SIPA1L3: variants seen among roughly 807,000 people sequenced by gnomAD.
The protein encoded by SIPA1L3 is signal induced proliferation associated 1 like 3, also known as signal-induced proliferation-associated 1-like protein 3.
SIPA1L3 carries 59 observed loss-of-function variants against 150.1 expected under a neutral mutation model. The ratio of observed to expected loss-of-function variants is 0.39; its 90% CI spans 0.32 to 0.49. SIPA1L3 has a LOEUF of 0.49. SIPA1L3 is among the 20% of genes least tolerant of loss of function. The probability of loss-of-function intolerance (pLI) is 0.86; values close to 1 mark genes in which losing one functional copy is unlikely to be tolerated. For synonymous variants in SIPA1L3, 1,070 were observed against 1,077.6 expected, an observed-to-expected ratio of 0.99 and a Z score of 0.14; for missense variants, 2,211 against 2,489.5, an observed-to-expected ratio of 0.89 and a Z score of 2.38.
chr19:38,104,576 G>GT (rs905432684), intron 6 of SIPA1L3, among the ~76,000 whole-genome samples: 9 of 151,894 alleles, frequency 5.9e-5, no homozygotes, highest in Admixed American at 1.3e-4. Flanking sequence ...TGGTTTTTTT[G>GT]TTTTTTTGTT....
chr19:38,089,257 G>T (rs1357260870), intron 4 of SIPA1L3, among the ~76,000 whole-genome samples: 1 of 149,494 alleles, frequency 6.7e-6, no homozygotes, highest in South Asian at 2.1e-4. Context: ...GGCAGAGGCT[G>T]CAGTGAGCTG....
chr19:37,911,685 G>T (rs2046379140), intron 1 of SIPA1L3, among the ~76,000 whole-genome samples: 2 of 150,892 alleles, frequency 1.3e-5, no homozygotes, highest in African/African-American at 4.9e-5. Context: ...CTAATTTTTT[G>T]TATTTTTAGT....
intron 1 of SIPA1L3, among the ~76,000 whole-genome samples, chr19:37,934,362 A>T (rs982324468): frequency 1.3e-5 from 2 of 152,138 alleles, no homozygotes; most frequent in Non-Finnish European, 2.9e-5. Flanking sequence ...TTTAACACAT[A>T]TGTCCCTTGA....
intron 8 of SIPA1L3, among the ~76,000 whole-genome samples, chr19:38,114,717 C>T (rs1970843254): frequency 6.6e-6 from 1 of 152,230 alleles, no homozygotes; most frequent in Admixed American, 6.5e-5. Flanking sequence ...TTACTTTAGT[C>T]AGCATTGAGC....
At chr19:38,167,625 C>T (rs1027161222) in intron 15 of SIPA1L3, among the ~76,000 whole-genome samples, 6 of 152,082 alleles carry the variant, frequency 3.9e-5, no homozygotes, top group Non-Finnish European at 7.4e-5. Flanking sequence ...TGCAGTAGTA[C>T]GACCATAGCT....
chr19:38,092,542 C>G (rs1970282122), intron 4 of SIPA1L3, among the ~76,000 whole-genome samples: 1 of 152,190 alleles, frequency 6.6e-6, no homozygotes, highest in South Asian at 2.1e-4. Flanking sequence ...CCCCCAGCAC[C>G]TACAAAACTA....
chr19:38,073,678 G>C (rs1318894805), intron 2 of SIPA1L3, among the ~76,000 whole-genome samples: 1 of 152,180 alleles, frequency 6.6e-6, no homozygotes, highest in Non-Finnish European at 1.5e-5. Context: ...AGCAATCTTA[G>C]AAAACAGGGA....
At chr19:38,054,470 G>A (rs1347013416) in intron 2 of SIPA1L3, among the ~76,000 whole-genome samples, 2 of 152,194 alleles carry the variant, frequency 1.3e-5, no homozygotes, top group Non-Finnish European at 2.9e-5. Flanking sequence ...AGCGGATGTG[G>A]TGGTGGGTGC....
chr19:38,145,939 T>G (rs1000931708), intron 12 of SIPA1L3, among the ~76,000 whole-genome samples: 4 of 152,034 alleles, frequency 2.6e-5, no homozygotes, highest in Non-Finnish European at 5.9e-5. Context: ...TATAGCTCAC[T>G]GAAGCCTCAC....
intron 12 of SIPA1L3, among the ~76,000 whole-genome samples, chr19:38,143,088 C>G (rs761817008): frequency 6.6e-6 from 1 of 152,154 alleles, no homozygotes; most frequent in Non-Finnish European, 1.5e-5. Context: ...TGCCCACTTG[C>G]GTCCATCTGC....
chr19:37,988,081 C>G (rs996782045), intron 1 of SIPA1L3, among the ~76,000 whole-genome samples: 3 of 152,210 alleles, frequency 2.0e-5, no homozygotes, highest in African/African-American at 4.8e-5. Context: ...AGGCAGCAGT[C>G]TCTCATTATC....
chr19:38,198,248 C>A, intron 18 of SIPA1L3, 141 bp from the exon 19 acceptor site: 2 of 990,856 alleles, frequency 2.0e-6, no homozygotes, highest in South Asian at 4.7e-5. Context: ...TCTGTAGGCT[C>A]CAGCACTCCC....
chr19:38,033,198 C>T (rs1042188321), intron 2 of SIPA1L3, among the ~76,000 whole-genome samples: 4 of 152,200 alleles, frequency 2.6e-5, no homozygotes, highest in Admixed American at 1.3e-4. Flanking sequence ...TGATGTTCCC[C>T]GCAATAGAAA....
At chr19:38,001,409 G>T (rs1039405149) in intron 1 of SIPA1L3, among the ~76,000 whole-genome samples, 1 of 151,980 alleles carries the variant, frequency 6.6e-6, no homozygotes, top group Non-Finnish European at 1.5e-5. Context: ...TCTTGCAAAA[G>T]AACCACATTT....
chr19:37,933,781 A>G (rs2046576508), intron 1 of SIPA1L3, among the ~76,000 whole-genome samples: 1 of 152,214 alleles, frequency 6.6e-6, no homozygotes, highest in African/African-American at 2.4e-5. Flanking sequence ...TGTGCAGCCC[A>G]GGCCTGGTAG....
chr19:38,171,866 C>T (rs1568590806), intron 15 of SIPA1L3, among the ~76,000 whole-genome samples: 2 of 152,054 alleles, frequency 1.3e-5, no homozygotes, highest in Non-Finnish European at 2.9e-5. Flanking sequence ...ATCAATCAAT[C>T]ACTCCATCCT....
At chr19:37,928,922 C>A (rs1035514860) in intron 1 of SIPA1L3, among the ~76,000 whole-genome samples, 9 of 152,306 alleles carry the variant, frequency 5.9e-5, no homozygotes, top group Admixed American at 3.3e-4. Context: ...ACTCTGCCAT[C>A]CATGGTGTGT....
intron 4 of SIPA1L3, 148 bp downstream of exon 4, chr19:38,088,999 A>C (rs1004438492): frequency 1.5e-5 from 12 of 822,538 alleles, no homozygotes; most frequent in South Asian, 5.4e-5. Context: ...TCTCCATCTC[A>C]CAGAGGAAGA....
Position 38,083,047 on chromosome 19 carries a change from C to A in SIPA1L3, c.1482C>A (p.Ile494=). The change falls in exon 3 of 22, where the codon ATC becomes ATA. Residue 494 remains isoleucine (I), a synonymous_variant. Transcript: ENST00000222345. ...AGAGTCGGCCCCGGCAGTACAGCAT[C>A]GAGCATGTGGACCTGGGCGCCCGCT... ...RTQSRPRQYS[I]EHVDLGARYY... 1 of 1,612,966 alleles carries A rather than the reference C, an allele frequency of 6.2e-7. No individual in the cohort carries two copies. Among genetic ancestry groups the A allele is most frequent in the Non-Finnish European group, 8.5e-7 (1 of 1,180,032 alleles).
Sources: allele counts gnomAD v4.1 joint callset (sites outside exome capture counted in the v4.1 genomes callset), GRCh38; gene constraint gnomAD v4.1.1; transcripts MANE v1.5; gene names NCBI Gene and HGNC (gene_info 2026-07-23, HGNC 2026-07-21).